Variants in NCKAP5 observed in about 807,000 individuals in gnomAD.
NCKAP5 encodes nck-associated protein 5.
A neutral mutation model predicts 167.0 loss-of-function variants in NCKAP5; 92 were observed. The observed-to-expected ratio is 0.55, with a 90% confidence interval of 0.47 to 0.66. The LOEUF (loss-of-function observed/expected upper bound fraction) is 0.66, where lower values mean the gene tolerates loss of function less well. Ranked by LOEUF, NCKAP5 falls within the 30% of genes least tolerant of loss-of-function variation. The pLI is 0.00. For synonymous variants in NCKAP5, 891 were observed against 877.4 expected (o/e 1.02, Z -0.27); for missense variants, 2,378 against 2,315.0 (o/e 1.03, Z -0.56).
chr2:132,796,799 C>G (rs1684644822), intron 11 of NCKAP5, 70 bp from the exon 12 acceptor site: 1 of 1,076,880 alleles, frequency 9.3e-7, no homozygotes. Context: ...CTGCCTTGGA[C>G]AGTTAAATCT....
chr2:133,671,907 G>A, the NCKAP5 span, among the ~76,000 whole-genome samples: 1 of 152,116 alleles, frequency 6.6e-6, no homozygotes, highest in Non-Finnish European at 1.5e-5. Context: ...TTATATGCCT[G>A]CTCAAACCAG....
intron 4 of NCKAP5, among the ~76,000 whole-genome samples, chr2:133,299,686 G>A (rs1179172362): frequency 6.6e-6 from 1 of 152,194 alleles, no homozygotes; most frequent in Non-Finnish European, 1.5e-5. Flanking sequence ...GGGAGGTGGA[G>A]GTTGCAGTGA....
rs148452777 is a variant in NCKAP5 at position 133,254,788 on chromosome 2, CTTG to C, written c.144-41012_144-41010del. 7.2e-5 allele frequency among the ~76,000 whole-genome samples: 11 copies of C among 152,168 alleles called. No individual in the cohort carries two copies. In the East Asian group the frequency reaches 1.9e-3, roughly 27 times the overall value. The stretch of plus-strand genomic sequence containing the variant: ...CTGCAAAGCCCATTCTCTCAATATT[CTTG>C]TTATGTTTTTCATAAAGTATATCAC... On this transcript the variant is annotated intron_variant, in intron 4 of 19. Transcript: ENST00000409261.
chr2:133,429,211 A>G (rs1690001233), intron 3 of NCKAP5, among the ~76,000 whole-genome samples: 1 of 152,328 alleles, frequency 6.6e-6, no homozygotes, highest in Non-Finnish European at 1.5e-5. Flanking sequence ...AAGAAGGTTC[A>G]TGATAAGATG....
At chr2:133,478,527 G>C (rs112024160) in intron 3 of NCKAP5, among the ~76,000 whole-genome samples, 4,737 of 152,200 alleles carry the variant, frequency 0.031, 100 homozygotes, top group Admixed American at 0.071. Flanking sequence ...CTGACACCTC[G>C]ATAGGCAGGG....
At chr2:133,195,344 C>G (rs1314907192) in intron 5 of NCKAP5, among the ~76,000 whole-genome samples, 1 of 151,144 alleles carries the variant, frequency 6.6e-6, no homozygotes, top group Non-Finnish European at 1.5e-5. Flanking sequence ...AAGCACTTTT[C>G]CAGGATGTCC....
At chr2:133,224,751 T>C (rs2086808051) in intron 4 of NCKAP5, among the ~76,000 whole-genome samples, 1 of 152,212 alleles carries the variant, frequency 6.6e-6, no homozygotes, top group African/African-American at 2.4e-5. Flanking sequence ...CACTCCTACC[T>C]AAAATGTTTC....
chr2:133,206,561 T>A (rs1183814461), intron 5 of NCKAP5, among the ~76,000 whole-genome samples: 1 of 152,332 alleles, frequency 6.6e-6, no homozygotes, highest in South Asian at 2.1e-4. Flanking sequence ...GGACCACTAT[T>A]GTACAAACTG....
At chr2:133,611,274 G>A in the NCKAP5 span, among the ~76,000 whole-genome samples, 7 of 122,308 alleles carry the variant, frequency 5.7e-5, no homozygotes, top group South Asian at 2.9e-4. Context: ...CCCGCCACCC[G>A]CCACCACCTC....
At chr2:133,317,169 A>G (rs924738207) in intron 3 of NCKAP5, among the ~76,000 whole-genome samples, 2 of 152,164 alleles carry the variant, frequency 1.3e-5, no homozygotes, top group African/African-American at 4.8e-5. Flanking sequence ...AAGCAAACCA[A>G]AAGTCATAAA....
intron 5 of NCKAP5, among the ~76,000 whole-genome samples, chr2:133,160,401 T>G (rs1289524387): frequency 7.6e-6 from 1 of 131,952 alleles, no homozygotes; most frequent in African/African-American, 2.7e-5. Context: ...CCCAATAAGG[T>G]CACATTCTTT....
In NCKAP5 at chr2:133,100,762, G is replaced by GA. The variant is rs938225362; in HGVS notation, c.341+29215dup. On this transcript the variant is annotated intron_variant, in intron 6 of 19. Transcript: ENST00000409261. ...TAAATGCACTCTCTTCTGTGGCTTG[G>GA]AAAAAAAAAACTTTTGTCTCAAAAT... Among the ~76,000 whole-genome samples, 703 of 147,202 alleles carry GA rather than the reference G, an allele frequency of 4.8e-3. 4 individuals are homozygous for GA. Among genetic ancestry groups the GA allele is most frequent in the African/African-American group, 7.4e-3 (298 of 40,308 alleles).
chr2:132,747,418 T>G (rs1465830836), intron 16 of NCKAP5, among the ~76,000 whole-genome samples: 1 of 152,180 alleles, frequency 6.6e-6, no homozygotes, highest in Non-Finnish European at 1.5e-5. Flanking sequence ...ATCTTTTCAA[T>G]AATCGTGGGA....
rs534982769 is a variant in NCKAP5, at chr2:133,101,039, T to G, written c.341+28939A>C. On this transcript the variant is annotated intron_variant, in intron 6 of 19. Coordinates refer to ENST00000409261, the MANE Select transcript of NCKAP5 (RefSeq NM_207363.3). ...TCTAGGGTTTTTATGGTTTTAGGTC[T>G]AACGTTTAAACCTTTAATCCATCTT... 7.9e-5 allele frequency among the ~76,000 whole-genome samples: 12 copies of G among 152,180 alleles called. No individual in the cohort carries two copies. In the East Asian group the frequency reaches 2.1e-3, roughly 27 times the overall value.
chr2:133,273,811 G>A (rs1017945117), intron 4 of NCKAP5, among the ~76,000 whole-genome samples: 12 of 151,198 alleles, frequency 7.9e-5, no homozygotes, highest in South Asian at 4.2e-4. Context: ...AAAAAATTTG[G>A]GGGAAGATAA....
At chr2:133,464,465 G>A (rs1206023410) in intron 3 of NCKAP5, among the ~76,000 whole-genome samples, 1 of 152,048 alleles carries the variant, frequency 6.6e-6, no homozygotes, top group Non-Finnish European at 1.5e-5. Context: ...CAAGGCAGGT[G>A]GATCATGAGG....
intron 4 of NCKAP5, among the ~76,000 whole-genome samples, chr2:133,268,733 G>A (rs1305415899): frequency 6.6e-6 from 1 of 152,052 alleles, no homozygotes; most frequent in Non-Finnish European, 1.5e-5. Context: ...GCCTCCAAAA[G>A]TGCTGGGATT....
rs373313879 is a variant in NCKAP5, at chr2:133,395,084, A to C, written c.70-91974T>G. Among the ~76,000 whole-genome samples, 20 of 152,364 alleles carry C rather than the reference A, an allele frequency of 1.3e-4. No individual in the cohort carries two copies. The East Asian group carries it at 2.1e-3, about 16-fold the overall frequency. On this transcript the variant is annotated intron_variant, in intron 3 of 19. Transcript: ENST00000409261. Reference sequence around the variant, plus strand: ...CAGTTAATAATTTATGTAACACATTAGTTTTTCTAGGAAAAGCATTTCTTA... The same window carrying C: ...CAGTTAATAATTTATGTAACACATTCGTTTTTCTAGGAAAAGCATTTCTTA...
At chr2:133,409,382 C>G (rs1052085369) in intron 3 of NCKAP5, among the ~76,000 whole-genome samples, 1 of 152,174 alleles carries the variant, frequency 6.6e-6, no homozygotes, top group African/African-American at 2.4e-5. Flanking sequence ...GGATTGTACC[C>G]TTTTTGTAGG....
Sources: allele counts gnomAD v4.1 joint callset (sites outside exome capture counted in the v4.1 genomes callset), GRCh38; gene constraint gnomAD v4.1.1; transcripts MANE v1.5; gene names NCBI Gene and HGNC (gene_info 2026-07-23, HGNC 2026-07-21).